ASCC3: variants seen among roughly 807,000 people sequenced by gnomAD.
The protein encoded by ASCC3 is activating signal cointegrator 1 complex subunit 3.
A neutral mutation model predicts 256.3 loss-of-function variants in ASCC3; 158 were observed. The observed-to-expected ratio is 0.62, with a 90% CI of 0.54 to 0.70. The LOEUF is 0.70. ASCC3 is among the 30% of genes least tolerant of loss of function. The probability of loss-of-function intolerance (pLI) is 0.00; values close to 1 mark genes in which losing one functional copy is unlikely to be tolerated. For missense variants in ASCC3, 2,259 were observed against 2,626.0 expected (o/e 0.86, Z 3.05); for synonymous variants, 948 against 883.4 (o/e 1.07, Z -1.30).
intron 1 of ASCC3, among the ~76,000 whole-genome samples, chr6:100,879,710 CTTTATA>C (rs1562366467): frequency 6.6e-6 from 1 of 151,976 alleles, no homozygotes; most frequent in Non-Finnish European, 1.5e-5. Context: ...GAACTGTGAA[CTTTATA>C]TTTAAACAAG....
chr6:100,625,450 A>G, intron 29 of ASCC3, 116 bp from the exon 30 acceptor site: 2 of 1,217,768 alleles, frequency 1.6e-6, no homozygotes, highest in Non-Finnish European at 2.4e-6. Context: ...TAGGCATGAA[A>G]TGTGGCATTA....
chr6:100,834,838 G>C (rs981432247), intron 4 of ASCC3, among the ~76,000 whole-genome samples: 2 of 152,210 alleles, frequency 1.3e-5, no homozygotes, highest in Middle Eastern at 3.4e-3. Context: ...CTCCAAAAGA[G>C]ATCGGGCTGT....
chr6:100,691,377 A>C (rs1431027818), intron 13 of ASCC3, among the ~76,000 whole-genome samples: 4 of 152,036 alleles, frequency 2.6e-5, no homozygotes. Context: ...TCTTTAATGA[A>C]AACAATGTTT....
intron 2 of ASCC3, among the ~76,000 whole-genome samples, chr6:100,866,889 T>C (rs1773506706): frequency 6.6e-6 from 1 of 152,248 alleles, no homozygotes; most frequent in South Asian, 2.1e-4. Flanking sequence ...TTCAGAGACA[T>C]TTCTAAGAAT....
intron 3 of ASCC3, among the ~76,000 whole-genome samples, chr6:100,852,991 A>T (rs1391340934): frequency 1.4e-5 from 2 of 144,526 alleles, no homozygotes; most frequent in African/African-American, 2.5e-5. Flanking sequence ...TCCCAGAATT[A>T]AAAAAAAAAA....
At chr6:100,650,412 TC>T (rs1775603579) in intron 20 of ASCC3, 125 bp downstream of exon 20, 1 of 944,554 alleles carries the variant, frequency 1.1e-6, no homozygotes. Context: ...CAGAAACAGT[TC>T]TAAGTAAAAT....
chr6:100,821,562 A>G (rs940040797), intron 4 of ASCC3, among the ~76,000 whole-genome samples: 4 of 152,200 alleles, frequency 2.6e-5, no homozygotes, highest in African/African-American at 9.6e-5. Context: ...GTGGTCATTC[A>G]CGCCTATAAT....
At chr6:100,863,672 G>C (rs1343977156) in intron 3 of ASCC3, among the ~76,000 whole-genome samples, 1 of 152,064 alleles carries the variant, frequency 6.6e-6, no homozygotes, top group Non-Finnish European at 1.5e-5. Context: ...CTGAAGTGCA[G>C]TGGCATGATC....
intron 30 of ASCC3, among the ~76,000 whole-genome samples, chr6:100,608,115 T>TAG (rs1773041530): frequency 8.0e-6 from 1 of 125,108 alleles, no homozygotes; most frequent in African/African-American, 3.0e-5. Context: ...TATGTATATA[T>TAG]ATCTATATAT....
At chr6:100,646,481 C>A (rs1582627191) in intron 22 of ASCC3, 134 bp downstream of exon 22, 3 of 968,482 alleles carry the variant, frequency 3.1e-6, no homozygotes, top group Non-Finnish European at 4.4e-6. Flanking sequence ...CGGCTAATTG[C>A]TATAATTTTT....
At chr6:100,673,204 A>G (rs1776840992) in intron 14 of ASCC3, among the ~76,000 whole-genome samples, 1 of 152,060 alleles carries the variant, frequency 6.6e-6, no homozygotes, top group Admixed American at 6.6e-5. Context: ...AAAAAGATAA[A>G]TCTCATCTAA....
Position 100,818,532 on chromosome 6 carries a change from ACT to A in ASCC3, c.802-12654_802-12653del, listed in dbSNP as rs1344579391. 2.8e-5 allele frequency among the ~76,000 whole-genome samples: 4 copies of A among 143,138 alleles called. No individual in the cohort carries two copies. In the Admixed American group the frequency reaches 3.0e-4, roughly 11 times the overall value. The allele number at this position is 143,138 out of a possible 152,430, so 93.9% of individuals were successfully genotyped here. A position where few individuals can be genotyped will look rare whatever the true frequency, so the allele number is the denominator to read the frequency against. ...GGTTGCCGAGAGCCAAGATCATGCCACTCTCTAGCCTGGATGACAGGGCAAGA... is the reference window on the plus strand; with the variant it reads ...GGTTGCCGAGAGCCAAGATCATGCCACTCTAGCCTGGATGACAGGGCAAGA... On this transcript the variant is annotated intron_variant, in intron 4 of 41. Transcript: ENST00000369162.
chr6:100,589,980 A>G lies in ASCC3; in HGVS notation c.5383T>C (p.Leu1795=), dbSNP rs1771917999. 3.1e-6 allele frequency: 5 copies of G among 1,613,568 alleles called. No homozygotes were observed. Among genetic ancestry groups the G allele is most frequent in the African/African-American group, 1.3e-5 (1 of 75,022 alleles). ...SHLIEKSLIE[L]ELSYCIEIGE... is the part of the protein sequence containing the mutation. ...ATTTCAATACAGTAGGAAAGTTCCA[A>G]TTCAATCAGGGACTTCTCAATCAGA... is the stretch of plus-strand genomic sequence containing the variant. Residue 1795 remains leucine, a synonymous_variant, in exon 35 of 42, where the codon TTG becomes CTG. Transcript: ENST00000369162.
At chr6:100,794,412 A>G (rs1769503320) in intron 8 of ASCC3, among the ~76,000 whole-genome samples, 2 of 152,028 alleles carry the variant, frequency 1.3e-5, no homozygotes, top group African/African-American at 4.8e-5. Flanking sequence ...TGTGGCATAC[A>G]CCACCACCTG....
At chr6:100,749,555 G>T (rs1460591928) in intron 10 of ASCC3, among the ~76,000 whole-genome samples, 1 of 151,954 alleles carries the variant, frequency 6.6e-6, no homozygotes, top group Non-Finnish European at 1.5e-5. Context: ...CAAAGCCACA[G>T]TTAGAAATGT....
In ASCC3 at chr6:100,518,080, C is replaced by T. The variant is rs748923873; in HGVS notation, c.5838G>A (p.Leu1946=). The T allele has an allele frequency of 5.6e-6, 9 of 1,613,512 alleles. No homozygotes were observed. Among genetic ancestry groups the T allele is most frequent in the Middle Eastern group, 1.6e-4 (1 of 6,080 alleles). Residue 1946 remains leucine (L), a synonymous_variant, in exon 38 of 42, where the codon CTG becomes CTA. Transcript: ENST00000369162. ...ACCGACCCTGGATCACCATCTGAATCAGGTTGGTGATATTCAGGACAGTCA... is the reference window on the plus strand; with the variant it reads ...ACCGACCCTGGATCACCATCTGAATTAGGTTGGTGATATTCAGGACAGTCA... ...WLVTVLNITN[L]IQMVIQGRWL... is the part of the protein sequence containing the mutation.
intron 37 of ASCC3, among the ~76,000 whole-genome samples, chr6:100,524,128 G>GT (rs2114627647): frequency 1.3e-5 from 2 of 152,124 alleles, no homozygotes; most frequent in East Asian, 3.9e-4. Flanking sequence ...CTTGATTTTG[G>GT]TTTTCCAGTT....
chr6:100,781,153 T>C (rs1459108919), intron 8 of ASCC3, among the ~76,000 whole-genome samples: 1 of 152,184 alleles, frequency 6.6e-6, no homozygotes, highest in Non-Finnish European at 1.5e-5. Flanking sequence ...TTATCAACTA[T>C]GAACTGCATT....
At chr6:100,662,586 G>C (rs1776280826) in intron 14 of ASCC3, 50 bp from the exon 15 acceptor site, 1 of 1,567,456 alleles carries the variant, frequency 6.4e-7, no homozygotes. Flanking sequence ...AAAAGCAATT[G>C]TTTTTAGCAT....
Sources: allele counts gnomAD v4.1 joint callset (sites outside exome capture counted in the v4.1 genomes callset), GRCh38; gene constraint gnomAD v4.1.1; transcripts MANE v1.5; gene names NCBI Gene and HGNC (gene_info 2026-07-23, HGNC 2026-07-21).